The following EIF2AK1 variants were observed in gnomAD, a reference collection of about 807,000 sequenced individuals.
EIF2AK1 encodes eukaryotic translation initiation factor 2-alpha kinase 1.
In EIF2AK1, 54 loss-of-function variants were observed where a neutral mutation model predicts 77.9. That is an observed-to-expected ratio of 0.69 (90% CI 0.56 to 0.87). The LOEUF is 0.87. Among genes scored for constraint, EIF2AK1 ranks in the 40% least tolerant of loss-of-function variants. The probability of loss-of-function intolerance (pLI) is 0.00; values close to 1 mark genes in which losing one functional copy is unlikely to be tolerated. For synonymous variants in EIF2AK1, 314 were observed against 290.5 expected (o/e 1.08, Z -0.82); for missense variants, 810 against 768.6 (o/e 1.05, Z -0.64).
rs1189205417 is a variant in EIF2AK1 at position 6,047,013 on chromosome 7, A to C, written c.528T>G (p.Gly176=). ...CAACCTTGTATACTCTTCCGTATCC[A>C]CCTTTTCCTAAGATGGCAAGTTCTT... ...EFEELAILGK[G]GYGRVYKVRN... is the part of the protein sequence containing the mutation. The change falls in exon 5 of 15, where the codon GGT becomes GGG. Residue 176 remains glycine (G), a synonymous_variant. Transcript: ENST00000199389. 6.2e-7 allele frequency: 1 copy of C among 1,613,202 alleles called. No individual in the cohort carries two copies.
rs1359597549 is a variant in EIF2AK1 at position 6,033,758 on chromosome 7, A to G, written c.1332+3666T>C. Among the ~76,000 whole-genome samples, 1 of 151,692 alleles carries G rather than the reference A, an allele frequency of 6.6e-6. No individual in the cohort carries two copies. The highest frequency in any genetic ancestry group is 2.4e-5 in the African/African-American group (1 of 41,272). On this transcript the variant is annotated intron_variant, in intron 11 of 14. Transcript: ENST00000199389. The surrounding 1 kb of genome is among the most constrained non-coding windows in gnomAD (Gnocchi z 4.4). ...CTAATTTTTTGTATTTTTAGTAGAGATGGGGTTTCACCATGTTAGCCAGGA... is the reference window on the plus strand; with the variant it reads ...CTAATTTTTTGTATTTTTAGTAGAGGTGGGGTTTCACCATGTTAGCCAGGA...
chr7:6,026,348 C>G (rs1401660034), intron 14 of EIF2AK1: 5 of 437,580 alleles, frequency 1.1e-5, no homozygotes, highest in Middle Eastern at 3.5e-4. Context: ...ATCTAAAGGC[C>G]TAGCCATGAG....
chr7:6,043,137 T>A lies in EIF2AK1; in HGVS notation c.731-144A>T, dbSNP rs991055822. ...ACCTTCTGGCAAAATACAAAAAGTT[T>A]ATTCAAATGGCACGTGTTAGGAACC... is the stretch of plus-strand genomic sequence containing the variant. On this transcript the variant is annotated intron_variant, in intron 7 of 14. Coordinates refer to ENST00000199389, the MANE Select transcript of EIF2AK1 (RefSeq NM_014413.4). 5.0e-5 allele frequency: 39 copies of A among 785,768 alleles called. No homozygotes were observed. In the African/African-American group the frequency reaches 6.1e-4, roughly 12 times the overall value. The allele number at this position is 785,768 out of a possible 1,614,324, so 48.7% of individuals were successfully genotyped here. A position where few individuals can be genotyped will look rare whatever the true frequency, so the allele number is the denominator to read the frequency against.
At chr7:6,026,376 G>A in intron 14 of EIF2AK1, 1 of 487,542 alleles carries the variant, frequency 2.1e-6, no homozygotes, top group Non-Finnish European at 4.1e-6. Flanking sequence ...AAACCCTGCG[G>A]GCCCCTCCGG....
In EIF2AK1 at chr7:6,028,906, C is replaced by T. The variant is rs374346927; in HGVS notation, c.1447+12G>A. The T allele has an allele frequency of 3.8e-6, 6 of 1,591,876 alleles. No individual in the cohort carries two copies. The African/African-American group carries it at 6.8e-5, about 18-fold the overall frequency. On this transcript the variant is annotated intron_variant, in intron 12 of 14. Transcript: ENST00000199389. ...CTTATGCAAAGAAAACAAAACAAAA[C>T]CAAAAACTTACTCTTCCCGTTTCTG...
intron 13 of EIF2AK1, 29 bp from the exon 14 acceptor site, chr7:6,026,990 T>C (rs1479656332): frequency 1.1e-5 from 17 of 1,558,538 alleles, no homozygotes; most frequent in East Asian, 2.2e-5. Flanking sequence ...GGGAACTCAG[T>C]AGTGAAATAC....
chr7:6,058,652 C>T (rs917378249), intron 1 of EIF2AK1, among the ~76,000 whole-genome samples: 1 of 152,218 alleles, frequency 6.6e-6, no homozygotes, highest in Non-Finnish European at 1.5e-5. Context: ...TGACAAAACC[C>T]AGGGCATGGG....
At position 6,026,878 on chromosome 7, in the gene EIF2AK1, T is replaced by C; in HGVS notation, c.1614A>G (p.Thr538=). The change falls in exon 14 of 15, where the codon ACA becomes ACG. Residue 538 remains threonine (T), a synonymous_variant. Transcript: ENST00000199389. ...GTEMERAEVL[T]GLRTGQLPES... ...CCGGCAACTGACCAGTTCTTAAACC[T>C]GTTAGAACTTCTGCTCGCTCCATTT... 1 of 1,614,146 alleles carries C rather than the reference T, an allele frequency of 6.2e-7. No homozygotes were observed. The highest frequency in any genetic ancestry group is 1.1e-5 in the South Asian group (1 of 91,084).
In EIF2AK1 at chr7:6,032,923, G is replaced by A. The variant is rs1431019383; in HGVS notation, c.1333-3891C>T. 1.6e-5 allele frequency: 25 copies of A among 1,550,252 alleles called. No homozygotes were observed. The highest frequency in any genetic ancestry group is 2.1e-5 in the Non-Finnish European group (24 of 1,146,724). On this transcript the variant is annotated intron_variant, in intron 11 of 14. Transcript: ENST00000199389. This position sits in a 1 kb window ranked among gnomAD's most constrained non-coding sequence, Gnocchi z 4.3. ...GCTCTGCCTGTTACGGCACGGTGCT[G>A]ACCCAGAAGTCAGGTAAGTTAACTC...
intron 1 of EIF2AK1, 51 bp downstream of exon 1, chr7:6,058,915 C>G: frequency 6.9e-7 from 1 of 1,442,018 alleles, no homozygotes; most frequent in Non-Finnish European, 9.2e-7. Context: ...CGCCCAGAAA[C>G]GCAGGTGGAC....
rs933485276 is a variant in EIF2AK1 at position 6,023,777 on chromosome 7, T to G, written c.*896A>C. The G allele has an allele frequency of 1.4e-5, 22 of 1,603,138 alleles. No homozygotes were observed. Among genetic ancestry groups the G allele is most frequent in the Non-Finnish European group, 1.8e-5 (21 of 1,173,882 alleles). On this transcript the variant is annotated 3_prime_UTR_variant, in exon 15 of 15. Coordinates refer to ENST00000199389, the MANE Select transcript of EIF2AK1 (RefSeq NM_014413.4). ...ATCAGTAAGGGGACTTGTATTAGAG[T>G]CAGAGTCTTTTTATTTAGGCCAGTT...
intron 2 of EIF2AK1, among the ~76,000 whole-genome samples, chr7:6,052,466 T>C (rs1788633450): frequency 6.6e-6 from 1 of 151,514 alleles, no homozygotes; most frequent in Admixed American, 6.6e-5. Flanking sequence ...AATGTACAGA[T>C]ATTTGTACCA....
intron 6 of EIF2AK1, among the ~76,000 whole-genome samples, chr7:6,045,865 C>T (rs61371323): frequency 0.036 from 5,449 of 151,636 alleles, 333 homozygotes; most frequent in African/African-American, 0.12. Context: ...CGCCACTTTA[C>T]TCCAACCTGG....
Position 6,042,981 on chromosome 7 carries a change from G to A in EIF2AK1, c.743C>T (p.Ala248Val). 1 of 1,614,106 alleles carries A rather than the reference G, an allele frequency of 6.2e-7. No homozygotes were observed. The highest frequency in any genetic ancestry group is 8.5e-7 in the Non-Finnish European group (1 of 1,179,984). Residue 248 changes from alanine to valine, a missense_variant, in exon 8 of 15, where the codon GCC becomes GTC. This residue lies in a region of EIF2AK1 where 549 missense variants were observed against 533.7 expected (regional missense o/e 1.03). Transcript: ENST00000199389. ...CACTTCCAGAGATGGCAACTCAATG[G>A]CAGCTCTGTCTGCTGAATGAAAACA... Reference protein sequence around the residue: ...HVIQPRADRAAIELPSLEVLS... With the variant: ...HVIQPRADRAVIELPSLEVLS...
At chr7:6,040,205 A>T (rs1433078329) in intron 9 of EIF2AK1, among the ~76,000 whole-genome samples, 1 of 152,034 alleles carries the variant, frequency 6.6e-6, no homozygotes, top group Non-Finnish European at 1.5e-5. Context: ...GGCGCACAGC[A>T]TCGCGCCTGG....
chr7:6,056,613 A>ATATATATATATATATATATATAT (rs1554324681), intron 1 of EIF2AK1, among the ~76,000 whole-genome samples: 13 of 43,726 alleles, frequency 3.0e-4, no homozygotes, highest in African/African-American at 6.6e-4. Flanking sequence ...AAAAAAAAAA[A>ATATATATATATATATATATATAT]ATATATATAT....
rs185477416 is a variant in EIF2AK1 at position 6,032,336 on chromosome 7, A to G, written c.1333-3304T>C. Among the ~76,000 whole-genome samples, 1 of 152,316 alleles carries G rather than the reference A, an allele frequency of 6.6e-6. No homozygotes were observed. The highest frequency in any genetic ancestry group is 2.4e-5 in the African/African-American group (1 of 41,564). On this transcript the variant is annotated intron_variant, in intron 11 of 14. Transcript: ENST00000199389. This position sits in a 1 kb window ranked among gnomAD's most constrained non-coding sequence, Gnocchi z 4.3. The stretch of plus-strand genomic sequence containing the variant: ...CTTGCAGCCACGGTGTGAAACCACT[A>G]CTTACACGTGTGTATTTTAAGAGCT...
rs1010897172 is a variant in EIF2AK1 at position 6,027,367 on chromosome 7, G to C, written c.1531-406C>G. On this transcript the variant is annotated intron_variant, in intron 13 of 14. Transcript: ENST00000199389. The surrounding 1 kb of genome is among the most constrained non-coding windows in gnomAD (Gnocchi z 4.5). ...CTCTGCCTCCACTCATTCTTACCAA[G>C]TGTCCTTGGTGACATTTAACAAACT... is the stretch of plus-strand genomic sequence containing the variant. Among the ~76,000 whole-genome samples, 14 of 152,146 alleles carry C rather than the reference G, an allele frequency of 9.2e-5. No homozygotes were observed. The highest frequency in any genetic ancestry group is 4.1e-4 in the South Asian group (2 of 4,832).
intron 9 of EIF2AK1, among the ~76,000 whole-genome samples, chr7:6,039,998 G>A (rs1336719066): frequency 6.6e-6 from 1 of 152,132 alleles, no homozygotes; most frequent in Non-Finnish European, 1.5e-5. Context: ...TCTGTGCTGT[G>A]TCTTTGTAGA....
Sources: gnomAD v4.1 joint callset for allele counts (sites outside exome capture counted in the v4.1 genomes callset) on GRCh38, gnomAD v4.1.1 for gene constraint, gnomAD v4.1.1 regional missense constraint, Gnocchi (gnomAD v3.1) non-coding constraint, MANE v1.5 for transcripts, NCBI Gene and HGNC (gene_info 2026-07-23, HGNC 2026-07-21) for gene names.